The following FCHSD2 variants were observed in gnomAD, a reference collection of about 807,000 sequenced individuals.
FCHSD2 encodes the protein F-BAR and double SH3 domains protein 2.
In FCHSD2, 38 loss-of-function variants were observed where a neutral mutation model predicts 108.1. The observed-to-expected ratio is 0.35, with a 90% CI of 0.27 to 0.46. The LOEUF (loss-of-function observed/expected upper bound fraction) is 0.46. Ranked by LOEUF, FCHSD2 falls within the 20% of genes least tolerant of loss-of-function variation. The pLI is 1.00. For missense variants in FCHSD2, 751 were observed against 897.8 expected (o/e 0.84, Z 2.09); for synonymous variants, 279 against 314.7 (o/e 0.89, Z 1.20).
intron 9 of FCHSD2, among the ~76,000 whole-genome samples, chr11:72,917,844 T>G (rs990086395): frequency 6.6e-6 from 1 of 151,698 alleles, no homozygotes; most frequent in East Asian, 1.9e-4. Flanking sequence ...GCTGAGCTCA[T>G]GCCATTGCAC....
At chr11:72,892,173 C>G (rs1411255005) in intron 10 of FCHSD2, among the ~76,000 whole-genome samples, 2 of 152,190 alleles carry the variant, frequency 1.3e-5, no homozygotes, top group African/African-American at 4.8e-5. Flanking sequence ...AAATTGTGTG[C>G]TGGCTGCAGA....
chr11:73,129,865 TC>T (rs1860951509), intron 2 of FCHSD2, among the ~76,000 whole-genome samples: 1 of 149,618 alleles, frequency 6.7e-6, no homozygotes, highest in African/African-American at 2.5e-5. Context: ...CAGATTACCT[TC>T]ATAATCTTTT....
At chr11:73,041,141 G>A (rs948371404) in intron 3 of FCHSD2, among the ~76,000 whole-genome samples, 28 of 152,106 alleles carry the variant, frequency 1.8e-4, no homozygotes, top group Non-Finnish European at 3.5e-4. Flanking sequence ...TGATGGACAC[G>A]TAGGTTGATT....
chr11:72,870,639 G>A (rs927080820), intron 12 of FCHSD2, among the ~76,000 whole-genome samples: 38 of 149,498 alleles, frequency 2.5e-4, no homozygotes, highest in Non-Finnish European at 4.5e-4. Context: ...GGTGGCTCAC[G>A]CCTGTAATCC....
chr11:73,057,918 C>T lies in FCHSD2; in HGVS notation c.165+25777G>A, dbSNP rs192644353. Among the ~76,000 whole-genome samples, 7 of 149,126 alleles carry T rather than the reference C, an allele frequency of 4.7e-5. No homozygotes were observed. In the South Asian group the frequency reaches 1.3e-3, roughly 27 times the overall value. ...TTTTTGAGACAGAGTCTCGCTCTGTCGCCCAGGCTGGAGTGCAGTGGCACG... is the reference window on the plus strand; with the variant it reads ...TTTTTGAGACAGAGTCTCGCTCTGTTGCCCAGGCTGGAGTGCAGTGGCACG... On this transcript the variant is annotated intron_variant, in intron 3 of 19. Transcript: ENST00000409418.
intron 4 of FCHSD2, among the ~76,000 whole-genome samples, chr11:73,002,277 A>G (rs1332447252): frequency 6.6e-6 from 1 of 152,216 alleles, no homozygotes; most frequent in Non-Finnish European, 1.5e-5. Context: ...TTGTTCATGT[A>G]ATATACCAGA....
At chr11:72,859,963 A>G (rs985763791) in intron 13 of FCHSD2, among the ~76,000 whole-genome samples, 1 of 152,062 alleles carries the variant, frequency 6.6e-6, no homozygotes, top group Non-Finnish European at 1.5e-5. Flanking sequence ...ATGGAAGACA[A>G]TTTTTCCATG....
At chr11:73,105,438 A>T (rs201009553) in intron 2 of FCHSD2, among the ~76,000 whole-genome samples, 33 of 152,164 alleles carry the variant, frequency 2.2e-4, no homozygotes, top group Non-Finnish European at 4.0e-4. Context: ...ATTTGGTAAC[A>T]TTACTTTCCT....
chr11:73,117,715 CT>C (rs1860637146), intron 2 of FCHSD2, among the ~76,000 whole-genome samples: 1 of 152,174 alleles, frequency 6.6e-6, no homozygotes, highest in Non-Finnish European at 1.5e-5. Flanking sequence ...AATTTTACAG[CT>C]AACATCCATA....
intron 12 of FCHSD2, among the ~76,000 whole-genome samples, chr11:72,870,347 T>C (rs1169929043): frequency 6.6e-6 from 1 of 152,186 alleles, no homozygotes; most frequent in African/African-American, 2.4e-5. Context: ...GACTCGAGCA[T>C]TGACATTCAG....
At position 72,842,625 on chromosome 11, in the gene FCHSD2, A is replaced by T. The variant is rs746187247; in HGVS notation, c.1922T>A (p.Ile641Asn). The T allele has an allele frequency of 2.5e-6, 4 of 1,613,902 alleles. No individual in the cohort carries two copies. Among genetic ancestry groups the T allele is most frequent in the Non-Finnish European group, 3.4e-6 (4 of 1,179,892 alleles). Reference sequence around the variant, plus strand: ...ACTGTCTCCCCTCTCAGGTACCTGAATCTCTCTCATCCATGGAGTGTCACC... The same window carrying T: ...ACTGTCTCCCCTCTCAGGTACCTGATTCTCTCTCATCCATGGAGTGTCACC... ...ENGDTPWMRE[I>N]QISPSPKPHA... The change falls in exon 17 of 20, where the codon ATT becomes AAT. Residue 641 changes from isoleucine (I) to asparagine (N), a missense_variant. Coordinates refer to ENST00000409418, the MANE Select transcript of FCHSD2 (RefSeq NM_014824.3).
At chr11:72,902,730 T>C (rs942282209) in intron 9 of FCHSD2, 92 bp from the exon 10 acceptor site, 4 of 731,792 alleles carry the variant, frequency 5.5e-6, no homozygotes, top group African/African-American at 5.3e-5. Flanking sequence ...CTATTTTCTA[T>C]ACAAATGAGA....
chr11:73,135,391 C>T (rs576690046), intron 2 of FCHSD2, among the ~76,000 whole-genome samples: 6 of 152,292 alleles, frequency 3.9e-5, no homozygotes, highest in African/African-American at 1.2e-4. Flanking sequence ...GACTAAAATT[C>T]AATAATTTTT....
At chr11:73,006,167 A>C (rs1204333655) in intron 4 of FCHSD2, among the ~76,000 whole-genome samples, 1 of 151,818 alleles carries the variant, frequency 6.6e-6, no homozygotes, top group Admixed American at 6.6e-5. Context: ...TTAGCCTCCT[A>C]AAGTTCTGGG....
At chr11:72,841,202 T>C (rs972241578) in intron 18 of FCHSD2, among the ~76,000 whole-genome samples, 23 of 151,738 alleles carry the variant, frequency 1.5e-4, no homozygotes, top group African/African-American at 5.3e-4. Context: ...TGTGTGGTGG[T>C]GCATGCCTGT....
At chr11:73,039,725 G>C (rs1016160457) in intron 3 of FCHSD2, among the ~76,000 whole-genome samples, 3 of 152,122 alleles carry the variant, frequency 2.0e-5, no homozygotes, top group African/African-American at 7.2e-5. Flanking sequence ...CAAGGATAAC[G>C]AATGATGCAG....
At chr11:73,039,955 C>T (rs1858594606) in intron 3 of FCHSD2, among the ~76,000 whole-genome samples, 1 of 151,908 alleles carries the variant, frequency 6.6e-6, no homozygotes, top group South Asian at 2.1e-4. Flanking sequence ...AAAACTATAC[C>T]AAAGATGATA....
chr11:73,048,391 A>T (rs1210281414), intron 3 of FCHSD2, among the ~76,000 whole-genome samples: 7 of 152,346 alleles, frequency 4.6e-5, no homozygotes, highest in African/African-American at 1.7e-4. Flanking sequence ...AATTCCTGCA[A>T]AACAGAATGG....
intron 3 of FCHSD2, among the ~76,000 whole-genome samples, chr11:73,035,551 A>G (rs935534883): frequency 6.6e-6 from 1 of 152,134 alleles, no homozygotes; most frequent in Non-Finnish European, 1.5e-5. Flanking sequence ...TAAGCAAATG[A>G]GTCAGTGTTT....
Sources: allele counts gnomAD v4.1 joint callset (sites outside exome capture counted in the v4.1 genomes callset), GRCh38; gene constraint gnomAD v4.1.1; transcripts MANE v1.5; gene names NCBI Gene and HGNC (gene_info 2026-07-23, HGNC 2026-07-21).